The following ADAMTS12 variants were observed in gnomAD, a reference collection of about 807,000 sequenced individuals.
ADAMTS12 encodes ADAM metallopeptidase with thrombospondin type 1 motif 12.
ADAMTS12 carries 118 observed loss-of-function variants against 167.8 expected under a neutral mutation model. That is an observed-to-expected ratio of 0.70 (90% CI 0.61 to 0.82). The LOEUF (loss-of-function observed/expected upper bound fraction) is 0.82, where lower values mean the gene tolerates loss of function less well. Among genes scored for constraint, ADAMTS12 ranks in the 40% least tolerant of loss-of-function variants. The pLI, the probability that ADAMTS12 is intolerant of heterozygous loss-of-function variation, is 0.00. For synonymous variants in ADAMTS12, 704 were observed against 716.9 expected, an observed-to-expected ratio of 0.98 and a Z score of 0.29; for missense variants, 1,916 against 1,998.8, an observed-to-expected ratio of 0.96 and a Z score of 0.79.
chr5:33,665,570 A>C (rs1741436186), intron 5 of ADAMTS12, among the ~76,000 whole-genome samples: 1 of 152,198 alleles, frequency 6.6e-6, no homozygotes, highest in Non-Finnish European at 1.5e-5. Flanking sequence ...AAGAAGAGGG[A>C]CCTAAACCAA....
intron 2 of ADAMTS12, among the ~76,000 whole-genome samples, chr5:33,878,048 A>G (rs776038312): frequency 1.3e-5 from 2 of 152,234 alleles, no homozygotes; most frequent in Non-Finnish European, 2.9e-5. Context: ...TAGGCCTGCC[A>G]TCCTGTGAAT....
chr5:33,624,502 G>A lies in ADAMTS12; in HGVS notation c.2023-151C>T, dbSNP rs76647701. On this transcript the variant is annotated intron_variant, in intron 13 of 23. Coordinates refer to ENST00000504830, the MANE Select transcript of ADAMTS12 (RefSeq NM_030955.4). ...AAATGTTTGTTCCTGGTGGCAGCAA[G>A]AGGAATATCCAAGCATCCACCAATG... is the stretch of plus-strand genomic sequence containing the variant. 1.8e-3 allele frequency: 2,087 copies of A among 1,156,138 alleles called. 26 individuals are homozygous for A. The African/African-American group carries it at 0.029, about 16-fold the overall frequency. 71.6% of individuals were successfully genotyped at this position (1,156,138 alleles called of 1,614,324 possible).
Position 33,643,417 on chromosome 5 carries a change from C to T in ADAMTS12, c.1533G>A (p.Leu511=). The T allele has an allele frequency of 1.2e-6, 2 of 1,614,140 alleles. No individual in the cohort carries two copies. Among genetic ancestry groups the T allele is most frequent in the Middle Eastern group, 3.3e-4 (2 of 6,062 alleles). Reference sequence around the variant, plus strand: ...ATTGAGTTCCATCTGCAGCAGCGTCCAGCTTAGAGCGACAAAAGCCCTTCA... The same window carrying T: ...ATTGAGTTCCATCTGCAGCAGCGTCTAGCTTAGAGCGACAAAAGCCCTTCA... The part of the protein sequence containing the change: ...CSVKGFCRSK[L]DAAADGTQCG... The change falls in exon 10 of 24, where the codon CTG becomes CTA. Residue 511 remains leucine, a synonymous_variant. Transcript: ENST00000504830.
chr5:33,605,861 T>C (rs979458867), intron 16 of ADAMTS12, among the ~76,000 whole-genome samples: 1 of 152,222 alleles, frequency 6.6e-6, no homozygotes, highest in African/African-American at 2.4e-5. Context: ...ATGAAGAAAT[T>C]GAAGCACAAA....
chr5:33,723,209 C>T (rs1743864500), intron 3 of ADAMTS12, among the ~76,000 whole-genome samples: 1 of 152,216 alleles, frequency 6.6e-6, no homozygotes, highest in Admixed American at 6.5e-5. Flanking sequence ...ATTCTAATCT[C>T]AGGTCTTGTG....
chr5:33,815,742 G>A (rs1276788694), intron 2 of ADAMTS12, among the ~76,000 whole-genome samples: 5 of 152,146 alleles, frequency 3.3e-5, no homozygotes, highest in Non-Finnish European at 7.3e-5. Context: ...AGCAGGAAAG[G>A]CAAGTTTTAC....
chr5:33,823,773 C>T (rs1171121031), intron 2 of ADAMTS12, among the ~76,000 whole-genome samples: 1 of 151,302 alleles, frequency 6.6e-6, no homozygotes, highest in Admixed American at 6.6e-5. Context: ...TGTATGTCTT[C>T]GTTAATCCGT....
At chr5:33,745,699 C>G (rs1744757844) in intron 3 of ADAMTS12, among the ~76,000 whole-genome samples, 1 of 151,778 alleles carries the variant, frequency 6.6e-6, no homozygotes, top group South Asian at 2.1e-4. Flanking sequence ...TGAGGAAATG[C>G]AAAGAAGAAG....
In ADAMTS12 at chr5:33,588,549, G is replaced by C. The variant is rs777699589; in HGVS notation, c.2865+50C>G. 3.1e-6 allele frequency: 5 copies of C among 1,591,852 alleles called. No homozygotes were observed. The South Asian group carries it at 4.4e-5, about 14-fold the overall frequency. On this transcript the variant is annotated intron_variant, in intron 18 of 23. Transcript: ENST00000504830. ...TTGGATAATGAGAAGGAAGGCAGGG[G>C]CTGATGAAGCTTGAATAATGCCAGT...
At chr5:33,614,142 A>C in intron 16 of ADAMTS12, 96 bp downstream of exon 16, 2 of 1,475,988 alleles carry the variant, frequency 1.4e-6, no homozygotes, top group Non-Finnish European at 1.8e-6. Flanking sequence ...CTGCAGATCC[A>C]TGGGCAGAGA....
intron 2 of ADAMTS12, among the ~76,000 whole-genome samples, chr5:33,813,524 T>C (rs1418939689): frequency 1.3e-5 from 2 of 152,198 alleles, no homozygotes; most frequent in Non-Finnish European, 2.9e-5. Flanking sequence ...GGCTAAGCCA[T>C]TGACTACTTT....
intron 2 of ADAMTS12, among the ~76,000 whole-genome samples, chr5:33,832,931 A>T (rs1748356384): frequency 1.4e-5 from 2 of 147,072 alleles, no homozygotes; most frequent in South Asian, 2.2e-4. Flanking sequence ...CCACTTGCTT[A>T]TTCCTCTATC....
chr5:33,575,836 T>C (rs1746671440), intron 19 of ADAMTS12, among the ~76,000 whole-genome samples: 2 of 152,290 alleles, frequency 1.3e-5, no homozygotes, highest in South Asian at 4.1e-4. Flanking sequence ...AGACAATATA[T>C]CTATACAATT....
intron 20 of ADAMTS12, 53 bp from the exon 21 acceptor site, chr5:33,549,436 C>G (rs1389797164): frequency 6.4e-7 from 1 of 1,573,496 alleles, no homozygotes; most frequent in Non-Finnish European, 8.7e-7. Flanking sequence ...CATCAGGCCT[C>G]CCTTCCTTCC....
At chr5:33,740,978 C>T (rs1289620595) in intron 3 of ADAMTS12, among the ~76,000 whole-genome samples, 1 of 152,230 alleles carries the variant, frequency 6.6e-6, no homozygotes, top group Non-Finnish European at 1.5e-5. Context: ...TTTCAAGACG[C>T]TACCTCAAAG....
intron 7 of ADAMTS12, among the ~76,000 whole-genome samples, chr5:33,651,414 T>C (rs1740864400): frequency 6.6e-6 from 1 of 152,234 alleles, no homozygotes; most frequent in Non-Finnish European, 1.5e-5. Context: ...TCTTTTGCAT[T>C]ATACACAATC....
intron 2 of ADAMTS12, among the ~76,000 whole-genome samples, chr5:33,771,569 C>A (rs1745737185): frequency 6.6e-6 from 1 of 151,962 alleles, no homozygotes; most frequent in South Asian, 2.1e-4. Context: ...ATCCATACAG[C>A]AAAAATAGAA....
chr5:33,722,882 G>A (rs945958258), intron 3 of ADAMTS12, among the ~76,000 whole-genome samples: 6 of 152,222 alleles, frequency 3.9e-5, no homozygotes, highest in Non-Finnish European at 7.3e-5. Flanking sequence ...GGCCTATAGT[G>A]AGGCAGGAGA....
chr5:33,655,452 T>C (rs1423422555), intron 7 of ADAMTS12, among the ~76,000 whole-genome samples: 1 of 152,090 alleles, frequency 6.6e-6, no homozygotes, highest in Non-Finnish European at 1.5e-5. Flanking sequence ...AGTTTGTCCA[T>C]GGGATTAAGG....
Sources: gnomAD v4.1 joint callset for allele counts (sites outside exome capture counted in the v4.1 genomes callset) on GRCh38, gnomAD v4.1.1 for gene constraint, MANE v1.5 for transcripts, NCBI Gene and HGNC (gene_info 2026-07-23, HGNC 2026-07-21) for gene names.